Variants in SRP19 observed in about 807,000 individuals in gnomAD.
SRP19 encodes the protein signal recognition particle 19.
Under a neutral mutation model 22.4 loss-of-function variants are expected in SRP19, and 11 were observed. The ratio of observed to expected loss-of-function variants is 0.49; its 90% CI spans 0.31 to 0.81. SRP19 has a LOEUF of 0.81. Ranked by LOEUF, SRP19 falls within the 40% of genes least tolerant of loss-of-function variation. The pLI is 0.05. For synonymous variants in SRP19, 61 were observed against 57.6 expected, an observed-to-expected ratio of 1.06 and a Z score of -0.27; for missense variants, 168 against 175.9, an observed-to-expected ratio of 0.96 and a Z score of 0.25.
chr5:112,890,369 CTT>C (rs34475290), intron 4 of SRP19, among the ~76,000 whole-genome samples: 76 of 143,268 alleles, frequency 5.3e-4, no homozygotes, highest in Admixed American at 7.7e-4. Context: ...AAATTTAAGT[CTT>C]TTTTTTTTTT....
exon 5 of SRP19, chr5:112,892,964 G>A (rs774337971): frequency 6.3e-7 from 1 of 1,594,798 alleles, no homozygotes; most frequent in South Asian, 1.1e-5. Flanking sequence ...GGCCGCCGGA[G>A]CCAGAGCCGC....
intron 4 of SRP19, 79 bp from the exon 5 acceptor site, chr5:112,867,325 C>CACTT: frequency 2.0e-6 from 3 of 1,490,124 alleles, no homozygotes; most frequent in Non-Finnish European, 2.7e-6. Flanking sequence ...TAGTTTCTTA[C>CACTT]ACTTTGTGAT....
rs555720313 is a variant in SRP19 at position 112,890,598 on chromosome 5, G to A, written c.302-1005G>A. On this transcript the variant is annotated intron_variant, in intron 4 of 4. Transcript: ENST00000391338. The stretch of plus-strand genomic sequence containing the variant: ...TCGCCATGTTGGCCGGGCTGGTCTC[G>A]AACTCCTGACCTCAAGTGATCCACC... Among the ~76,000 whole-genome samples the A allele has an allele frequency of 8.3e-4, 124 of 150,102 alleles. 3 individuals are homozygous for A. The highest frequency in any genetic ancestry group is 3.9e-3 in the Admixed American group (58 of 15,038).
chr5:112,894,963 G>C (rs949424618), downstream of SRP19: 4 of 146,384 alleles, frequency 2.7e-5, no homozygotes, highest in African/African-American at 1.0e-4. Context: ...GTGGGGCTGG[G>C]CGCAGTGGCT....
At chr5:112,879,573 A>G (rs755744932) in intron 4 of SRP19, among the ~76,000 whole-genome samples, 125 of 152,234 alleles carry the variant, frequency 8.2e-4, no homozygotes, top group Middle Eastern at 6.8e-3. Flanking sequence ...TCCCGGGTTC[A>G]TGCCATTCTC....
At chr5:112,871,714 G>A (rs1191564092), downstream of SRP19, among the ~76,000 whole-genome samples, 3 of 152,036 alleles carry the variant, frequency 2.0e-5, no homozygotes, top group Non-Finnish European at 2.9e-5. Context: ...AGCCAAAATT[G>A]TGCCACTGCA....
rs764571468 is a variant in SRP19 at position 112,861,328 on chromosome 5, C to G, written c.-49C>G. On this transcript the variant is annotated 5_prime_UTR_variant, in exon 1 of 5. Transcript: ENST00000505459. ...TCAGAGCCGGGTTCCTCCCGGGTTT[C>G]TGCCGGGTTTCTCCCTGCGGCTCCT... is the stretch of plus-strand genomic sequence containing the variant. The G allele has an allele frequency of 1.2e-6, 2 of 1,611,952 alleles. No individual in the cohort carries two copies. Among genetic ancestry groups the G allele is most frequent in the Non-Finnish European group, 1.7e-6 (2 of 1,178,360 alleles).
downstream of SRP19, chr5:112,896,405 C>G (rs1455765481): frequency 1.3e-5 from 2 of 152,126 alleles, no homozygotes; most frequent in African/African-American, 2.4e-5. Flanking sequence ...CACCTGTAAT[C>G]CCAGCTACTT....
At position 112,868,313 on chromosome 5, in the gene SRP19, C is replaced by T. The variant is rs1429839738; in HGVS notation, c.*776C>T. ...GTAGTGATTTTGAGCTATCCCAATTCCTGTTCTTCCTGAGGCCTGGTTTAG... is the reference window on the plus strand; with the variant it reads ...GTAGTGATTTTGAGCTATCCCAATTTCTGTTCTTCCTGAGGCCTGGTTTAG... On this transcript the variant is annotated 3_prime_UTR_variant, in exon 5 of 5. Coordinates refer to ENST00000505459, the MANE Select transcript of SRP19 (RefSeq NM_003135.3). The T allele has an allele frequency of 6.1e-6, 6 of 985,776 alleles. No homozygotes were observed. The highest frequency in any genetic ancestry group is 7.2e-6 in the Non-Finnish European group (6 of 830,166). The allele number at this position is 985,776 out of a possible 1,614,324, so 61.1% of individuals were successfully genotyped here.
chr5:112,864,609 C>T lies in SRP19; in HGVS notation c.190-12C>T, dbSNP rs767858370. 71 of 1,612,132 alleles carry T rather than the reference C, an allele frequency of 4.4e-5. No homozygotes were observed. The highest frequency in any genetic ancestry group is 3.8e-4 in the Admixed American group (23 of 59,852). On this transcript the variant is annotated splice_polypyrimidine_tract_variant and intron_variant, in intron 3 of 4. Transcript: ENST00000505459. ...CTTAAGTCCTGTTTTTCTTTTGTTT[C>T]GTTTATGTTAGAAAAATAAAATGTA...
At chr5:112,883,241 C>T (rs568614528) in intron 4 of SRP19, among the ~76,000 whole-genome samples, 3 of 152,320 alleles carry the variant, frequency 2.0e-5, no homozygotes, top group Admixed American at 6.5e-5. Flanking sequence ...TCTCTCATCC[C>T]TTTTCTCTCA....
chr5:112,862,798 A>G (rs1767457569), intron 2 of SRP19, among the ~76,000 whole-genome samples: 1 of 151,218 alleles, frequency 6.6e-6, no homozygotes, highest in Non-Finnish European at 1.5e-5. Flanking sequence ...ACGTCTCTTA[A>G]TGAGCCTTTG....
At position 112,861,306 on chromosome 5, in the gene SRP19, G is replaced by C; in HGVS notation, c.-71G>C. The C allele has an allele frequency of 6.3e-7, 1 of 1,582,204 alleles. No individual in the cohort carries two copies. Among genetic ancestry groups the C allele is most frequent in the Non-Finnish European group, 8.7e-7 (1 of 1,151,156 alleles). ...AAAAGCGGGCTGTCTCGGAAACTCA[G>C]AGCCGGGTTCCTCCCGGGTTTCTGC... On this transcript the variant is annotated 5_prime_UTR_variant, in exon 1 of 5. Transcript: ENST00000505459.
chr5:112,885,781 G>T, intron 4 of SRP19: 1 of 247,970 alleles, frequency 4.0e-6, no homozygotes, highest in Non-Finnish European at 8.4e-6. Context: ...CAAGCCCGTA[G>T]TCTGAGACAG....
downstream of SRP19, chr5:112,893,273 G>T: frequency 3.8e-6 from 1 of 266,160 alleles, no homozygotes; most frequent in Non-Finnish European, 7.3e-6. Flanking sequence ...AGCCAGGTGT[G>T]GTGGCAGGCG....
In SRP19 at chr5:112,890,023, C is replaced by T. The variant is rs907321216; in HGVS notation, c.302-1580C>T. ...TGTATTTTTAGTAGAGACGGGGTTT[C>T]ACCATGTTGGCCAGGCTGGTCTTGA... On this transcript the variant is annotated intron_variant, in intron 4 of 4. Transcript: ENST00000391338. Among the ~76,000 whole-genome samples the T allele has an allele frequency of 3.5e-4, 52 of 150,462 alleles. 2 individuals are homozygous for T. The highest frequency in any genetic ancestry group is 1.1e-3 in the African/African-American group (45 of 40,354).
At chr5:112,869,951 A>C (rs536713662), downstream of SRP19, among the ~76,000 whole-genome samples, 1 of 152,320 alleles carries the variant, frequency 6.6e-6, no homozygotes, top group African/African-American at 2.4e-5. Flanking sequence ...ATTAATACAT[A>C]CCTATGATAA....
At chr5:112,892,301 G>A (rs535521257) in exon 5 of SRP19, 303 of 1,613,976 alleles carry the variant, frequency 1.9e-4, no homozygotes, top group Non-Finnish European at 2.4e-4. Context: ...CAGTGCAGGA[G>A]GGATGACTAT....
downstream of SRP19, among the ~76,000 whole-genome samples, chr5:112,874,114 TG>T (rs1410807693): frequency 3.3e-5 from 5 of 152,284 alleles, no homozygotes; most frequent in East Asian, 9.6e-4. Context: ...TGCAGAGAGT[TG>T]TGATCATGCC....
Sources: allele counts gnomAD v4.1 joint callset (sites outside exome capture counted in the v4.1 genomes callset), GRCh38; gene constraint gnomAD v4.1.1; transcripts MANE v1.5; gene names NCBI Gene and HGNC (gene_info 2026-07-23, HGNC 2026-07-21).